The following APC variants were observed in gnomAD, a reference collection of about 807,000 sequenced individuals.
APC encodes the protein adenomatous polyposis coli protein.
A neutral mutation model predicts 247.0 loss-of-function variants in APC; 72 were observed. The observed-to-expected ratio is 0.29, with a 90% confidence interval of 0.24 to 0.35. APC has a LOEUF of 0.35. APC is among the 10% of genes least tolerant of loss of function. APC has a pLI of 1.00. For missense variants in APC, 3,400 were observed against 3,360.7 expected (o/e 1.01, Z -0.29); for synonymous variants, 1,254 against 1,162.5 (o/e 1.08, Z -1.60).
intron 1 of APC, among the ~76,000 whole-genome samples, chr5:112,710,003 G>C (rs1344453292): frequency 6.6e-6 from 1 of 151,870 alleles, no homozygotes; most frequent in Non-Finnish European, 1.5e-5. Flanking sequence ...TTGTCTCCCT[G>C]TTCTTCCAAC....
At position 112,801,294 on chromosome 5, in the gene APC, A is replaced by G. The variant is rs1218311712; in HGVS notation, c.745A>G (p.Lys249Glu). The G allele has an allele frequency of 6.2e-7, 1 of 1,612,838 alleles. No individual in the cohort carries two copies. Among genetic ancestry groups the G allele is most frequent in the Admixed American group, 1.7e-5 (1 of 59,940 alleles). Residue 249 changes from lysine (K) to glutamate (E), a missense_variant, in exon 8 of 16, where the codon AAG (lysine) becomes GAG (glutamate). Around this residue, in one of 9 missense-constraint regions of APC, gnomAD observed 372 missense variants for 367.6 expected, o/e 1.01. Coordinates refer to ENST00000257430, the MANE Select transcript of APC (RefSeq NM_000038.6). Reference sequence around the variant, plus strand: ...ATCTTAACAGAGGTCATCTCAGAACAAGCATGAAACCGGCTCACATGATGC... The same window carrying G: ...ATCTTAACAGAGGTCATCTCAGAACGAGCATGAAACCGGCTCACATGATGC... ...ATEAERSSQNKHETGSHDAER... is the reference protein window; with the variant it reads ...ATEAERSSQNEHETGSHDAER...
chr5:112,792,178 G>A (rs1345006364), intron 6 of APC, among the ~76,000 whole-genome samples: 2 of 152,050 alleles, frequency 1.3e-5, no homozygotes, highest in South Asian at 2.1e-4. Flanking sequence ...CCCGGAAGGC[G>A]GAGGTTGCGG....
In APC at chr5:112,835,182, A is replaced by T. The variant is rs753968575; in HGVS notation, c.1958+17A>T. ...GGACCACAGGTATATATAGAGTTTT[A>T]TATTACTTTTAAAGTACAGAATTCA... is the stretch of plus-strand genomic sequence containing the variant. On this transcript the variant is annotated intron_variant, in intron 15 of 15. Coordinates refer to ENST00000257430, the MANE Select transcript of APC (RefSeq NM_000038.6). 1 of 1,594,134 alleles carries T rather than the reference A, an allele frequency of 6.3e-7. No individual in the cohort carries two copies. The highest frequency in any genetic ancestry group is 8.6e-7 in the Non-Finnish European group (1 of 1,166,032).
chr5:112,773,480 A>G (rs1011087503), intron 4 of APC, among the ~76,000 whole-genome samples: 1 of 152,166 alleles, frequency 6.6e-6, no homozygotes, highest in African/African-American at 2.4e-5. Flanking sequence ...TCAAAAATAT[A>G]TATATAACTT....
intron 2 of APC, among the ~76,000 whole-genome samples, chr5:112,761,684 G>A (rs1486289035): frequency 6.6e-6 from 1 of 152,122 alleles, no homozygotes; most frequent in African/African-American, 2.4e-5. Context: ...CTGGGAGTAG[G>A]CAAAGATGTC....
rs775292977 is a variant in APC at position 112,841,770 on chromosome 5, A to T, written c.6176A>T (p.Asp2059Val). The T allele has an allele frequency of 6.2e-7, 1 of 1,614,100 alleles. No homozygotes were observed. The highest frequency in any genetic ancestry group is 1.1e-5 in the South Asian group (1 of 91,082). The change falls in exon 16 of 16, where the codon GAT becomes GTT. Residue 2059 changes from aspartate to valine, a missense_variant. This residue lies in a region of APC where 1,788 missense variants were observed against 1,649.5 expected (regional missense o/e 1.08). Coordinates refer to ENST00000257430, the MANE Select transcript of APC (RefSeq NM_000038.6). The surrounding 1 kb of genome is among the most constrained non-coding windows in gnomAD (Gnocchi z 4.6). The part of the protein sequence containing the change: ...KKKKPSRLKG[D>V]NEKHSPRNMG... ...AAAAAGCCTTCAAGACTCAAGGGTG[A>T]TAATGAAAAACATAGTCCCAGAAAT...
At chr5:112,782,399 T>C (rs573213803) in intron 6 of APC, among the ~76,000 whole-genome samples, 6 of 152,164 alleles carry the variant, frequency 3.9e-5, no homozygotes, top group South Asian at 2.1e-4. Flanking sequence ...CTAAACATAA[T>C]GTATATTCTA....
intron 7 of APC, among the ~76,000 whole-genome samples, chr5:112,794,157 A>G (rs937052896): frequency 5.3e-5 from 8 of 151,976 alleles, no homozygotes; most frequent in African/African-American, 1.5e-4. Context: ...CAGTGGCGCA[A>G]TCTCGGCTCA....
chr5:112,727,096 T>C (rs1751829669), intron 1 of APC, among the ~76,000 whole-genome samples: 1 of 151,964 alleles, frequency 6.6e-6, no homozygotes, highest in South Asian at 2.1e-4. Flanking sequence ...AAAAACGCAA[T>C]TACTTTTGCA....
At chr5:112,758,834 C>G (rs1755299300) in intron 2 of APC, among the ~76,000 whole-genome samples, 2 of 151,970 alleles carry the variant, frequency 1.3e-5, no homozygotes, top group South Asian at 4.2e-4. Context: ...AACTCCTGAC[C>G]TCAGGTGATC....
intron 7 of APC, among the ~76,000 whole-genome samples, chr5:112,795,759 A>G (rs970515579): frequency 1.7e-4 from 26 of 152,198 alleles, no homozygotes; most frequent in Non-Finnish European, 7.3e-5. Flanking sequence ...TTTCTCATGC[A>G]CCCTTTTCTG....
chr5:112,808,729 G>C (rs1305590263), intron 8 of APC, among the ~76,000 whole-genome samples: 1 of 152,068 alleles, frequency 6.6e-6, no homozygotes, highest in East Asian at 1.9e-4. Context: ...TTTTTTTATA[G>C]AGTGTCCCAT....
chr5:112,762,520 CAATG>C (rs1215264262), intron 2 of APC, among the ~76,000 whole-genome samples: 2 of 152,134 alleles, frequency 1.3e-5, no homozygotes, highest in African/African-American at 4.8e-5. Flanking sequence ...CATTTAAAAA[CAATG>C]AACTGATAAG....
At chr5:112,767,144 G>A (rs2149787161) in intron 3 of APC, 45 bp from the exon 4 acceptor site, 1 of 1,440,438 alleles carries the variant, frequency 6.9e-7, no homozygotes. Context: ...ATTTTAGACT[G>A]CTTAAAGCAA....
At chr5:112,810,668 T>G (rs1435994565) in intron 8 of APC, among the ~76,000 whole-genome samples, 1 of 152,196 alleles carries the variant, frequency 6.6e-6, no homozygotes, top group East Asian at 1.9e-4. Context: ...TTGCAATGTT[T>G]CCAGACAAAT....
At chr5:112,724,577 G>A (rs957665280) in intron 1 of APC, among the ~76,000 whole-genome samples, 1 of 148,540 alleles carries the variant, frequency 6.7e-6, no homozygotes, top group South Asian at 2.2e-4. Context: ...TGAGATAGTT[G>A]GTAAGCACAG....
chr5:112,750,249 C>T lies in APC; in HGVS notation c.-18-4624C>T, dbSNP rs577925394. On this transcript the variant is annotated intron_variant, in intron 1 of 15. Coordinates refer to ENST00000257430, the MANE Select transcript of APC (RefSeq NM_000038.6). Reference sequence around the variant, plus strand: ...AAGTGCTGGGATTACAAGCATGAGCCACCGCCACCTGGCCAATGCTTTGCT... The same window carrying T: ...AAGTGCTGGGATTACAAGCATGAGCTACCGCCACCTGGCCAATGCTTTGCT... Among the ~76,000 whole-genome samples the T allele has an allele frequency of 6.6e-5, 10 of 152,252 alleles. No individual in the cohort carries two copies. The South Asian group carries it at 2.1e-3, about 32-fold the overall frequency.
chr5:112,822,604 A>AT (rs1287976009), intron 11 of APC, among the ~76,000 whole-genome samples: 2 of 152,066 alleles, frequency 1.3e-5, no homozygotes, highest in African/African-American at 4.8e-5. Context: ...AGTGCACTCC[A>AT]TTTTTTATGT....
intron 4 of APC, among the ~76,000 whole-genome samples, chr5:112,768,233 G>T (rs1476471357): frequency 6.6e-6 from 1 of 151,942 alleles, no homozygotes; most frequent in South Asian, 2.1e-4. Context: ...AGTAGAGACA[G>T]TGTTTCACCA....
Sources: gnomAD v4.1 joint callset for allele counts (sites outside exome capture counted in the v4.1 genomes callset) on GRCh38, gnomAD v4.1.1 for gene constraint, gnomAD v4.1.1 regional missense constraint, Gnocchi (gnomAD v3.1) non-coding constraint, MANE v1.5 for transcripts, NCBI Gene and HGNC (gene_info 2026-07-23, HGNC 2026-07-21) for gene names.